NAV2: variants seen among roughly 807,000 people sequenced by gnomAD.
NAV2 encodes neuron navigator 2, also known as helicase, APC down-regulated 1.
In NAV2, 54 loss-of-function variants were observed where a neutral mutation model predicts 223.2. That is an observed-to-expected ratio of 0.24 (90% confidence interval 0.19 to 0.30). NAV2 has a LOEUF of 0.30. Among genes scored for constraint, NAV2 ranks in the 10% least tolerant of loss-of-function variants. The probability of loss-of-function intolerance (pLI) is 1.00; values close to 1 mark genes in which losing one functional copy is unlikely to be tolerated. For synonymous variants in NAV2, 1,279 were observed against 1,239.3 expected, an observed-to-expected ratio of 1.03 and a Z score of -0.67; for missense variants, 2,806 against 3,147.5, an observed-to-expected ratio of 0.89 and a Z score of 2.60.
chr11:19,668,179 T>C (rs1275859477), intron 1 of NAV2, among the ~76,000 whole-genome samples: 1 of 152,220 alleles, frequency 6.6e-6, no homozygotes, highest in Non-Finnish European at 1.5e-5. Context: ...AACATTTTTT[T>C]GGTCCCATGA....
In NAV2 at chr11:20,107,747, C is replaced by T; in HGVS notation, c.6925C>T (p.Pro2309Ser). 6.2e-7 allele frequency: 1 copy of T among 1,614,116 alleles called. No homozygotes were observed. Among genetic ancestry groups the T allele is most frequent in the Non-Finnish European group, 8.5e-7 (1 of 1,179,976 alleles). Residue 2309 changes from proline to serine, a missense_variant, in exon 36 of 38, where the codon CCC becomes TCC. By Grantham distance (74) the Pro-to-Ser change is moderately conservative. Transcript: ENST00000349880. Reference protein sequence around the residue: ...FTDLWNYSIIPYLLEAVREGL... With the variant: ...FTDLWNYSIISYLLEAVREGL... ...CGACTTGTGGAACTATTCCATTATC[C>T]CCTATCTCCTGGAAGCCGTCAGAGA...
intron 1 of NAV2, among the ~76,000 whole-genome samples, chr11:19,574,917 T>C (rs1282960770): frequency 6.6e-6 from 1 of 152,046 alleles, no homozygotes; most frequent in Admixed American, 6.6e-5. Flanking sequence ...CCAACCATAC[T>C]CAATTGGGCG....
At chr11:20,025,690 C>T (rs2153543148) in intron 11 of NAV2, among the ~76,000 whole-genome samples, 1 of 152,332 alleles carries the variant, frequency 6.6e-6, no homozygotes, top group Middle Eastern at 3.4e-3. Flanking sequence ...GCTGCTAAAT[C>T]CCCTTGGAGC....
Position 20,121,314 on chromosome 11 carries a change from T to G in NAV2, c.*3056T>G, listed in dbSNP as rs1283407132. 6.5e-6 allele frequency: 1 copy of G among 152,694 alleles called. No individual in the cohort carries two copies. Among genetic ancestry groups the G allele is most frequent in the Non-Finnish European group, 1.5e-5 (1 of 68,044 alleles). The allele number at this position is 152,694 out of a possible 1,614,324, so 9.5% of individuals were successfully genotyped here. ...TTTTTTCATTGTAACATAGAAATTG[T>G]AAATAATTGATTAAAGTGCTGCATT... On this transcript the variant is annotated 3_prime_UTR_variant, in exon 38 of 38. Coordinates refer to ENST00000349880, the MANE Select transcript of NAV2 (RefSeq NM_145117.5).
intron 1 of NAV2, among the ~76,000 whole-genome samples, chr11:19,641,329 A>G (rs2047657200): frequency 2.0e-5 from 3 of 152,140 alleles, no homozygotes; most frequent in Non-Finnish European, 4.4e-5. Flanking sequence ...TGCCTACGAA[A>G]TAAGTCTTCA....
At chr11:19,755,931 G>A (rs754288355) in intron 1 of NAV2, among the ~76,000 whole-genome samples, 31 of 152,210 alleles carry the variant, frequency 2.0e-4, no homozygotes, top group Non-Finnish European at 3.1e-4. Flanking sequence ...ATGGTCCAGC[G>A]GCAGCAGGCT....
chr11:19,704,205 C>A (rs1365299387), intron 1 of NAV2, among the ~76,000 whole-genome samples: 1 of 152,102 alleles, frequency 6.6e-6, no homozygotes, highest in Non-Finnish European at 1.5e-5. Flanking sequence ...TCTTTCCTTG[C>A]CTTATTATTA....
At chr11:19,640,318 C>T (rs1244126581) in intron 1 of NAV2, among the ~76,000 whole-genome samples, 1 of 152,052 alleles carries the variant, frequency 6.6e-6, no homozygotes, top group Non-Finnish European at 1.5e-5. Context: ...CTTCTCAGAG[C>T]CTGCTCATGT....
At chr11:20,077,244 T>G (rs2059816369) in intron 22 of NAV2, among the ~76,000 whole-genome samples, 1 of 152,044 alleles carries the variant, frequency 6.6e-6, no homozygotes, top group Admixed American at 6.6e-5. Flanking sequence ...AGCCGAGAGC[T>G]CTTTACACAG....
At chr11:19,367,015 A>G (rs1848307761) in intron 1 of NAV2, among the ~76,000 whole-genome samples, 1 of 152,204 alleles carries the variant, frequency 6.6e-6, no homozygotes, top group South Asian at 2.1e-4. Flanking sequence ...TGGGTCATTA[A>G]TCCAGAGTCA....
intron 1 of NAV2, among the ~76,000 whole-genome samples, chr11:19,559,096 C>T (rs955911705): frequency 6.6e-6 from 1 of 152,220 alleles, no homozygotes; most frequent in Non-Finnish European, 1.5e-5. Context: ...AGATGAGTGA[C>T]TTGCACATGC....
chr11:20,111,395 T>C (rs1266625980), intron 36 of NAV2, among the ~76,000 whole-genome samples: 2 of 152,240 alleles, frequency 1.3e-5, no homozygotes, highest in Non-Finnish European at 2.9e-5. Context: ...GCAGTGGAGC[T>C]GAGGAGCTTT....
At chr11:19,830,980 T>C (rs1240862109) in intron 1 of NAV2, among the ~76,000 whole-genome samples, 1 of 151,910 alleles carries the variant, frequency 6.6e-6, no homozygotes, top group African/African-American at 2.4e-5. Context: ...GGCTGTGTTG[T>C]GAAATAGAAG....
rs79157824 is a variant in NAV2, at chr11:19,450,222, G to A, written c.75+99195G>A. On this transcript the variant is annotated intron_variant, in intron 1 of 37. Transcript: ENST00000360655. The stretch of plus-strand genomic sequence containing the variant: ...CCCTCTTCTGAGCACCTGGGGAGTG[G>A]CTCAACACCTAATTTCCCTGCACAG... Among the ~76,000 whole-genome samples the A allele has an allele frequency of 3.9e-3, 587 of 152,246 alleles. 2 individuals carry two copies. Among genetic ancestry groups the A allele is most frequent in the African/African-American group, 0.013 (558 of 41,536 alleles).
intron 1 of NAV2, among the ~76,000 whole-genome samples, chr11:19,671,655 T>A (rs1018582616): frequency 6.6e-6 from 1 of 152,218 alleles, no homozygotes; most frequent in Non-Finnish European, 1.5e-5. Context: ...GCAAATTGTT[T>A]CCATAAAGGG....
intron 5 of NAV2, among the ~76,000 whole-genome samples, chr11:19,882,957 T>C (rs184258536): frequency 5.3e-5 from 8 of 152,312 alleles, no homozygotes; most frequent in Non-Finnish European, 1.0e-4. Context: ...TCTAGGGATA[T>C]GCTATCCCAT....
At chr11:19,469,984 C>T (rs1363094412) in intron 1 of NAV2, among the ~76,000 whole-genome samples, 3 of 152,250 alleles carry the variant, frequency 2.0e-5, no homozygotes, top group Admixed American at 2.0e-4. Flanking sequence ...GATAGCTTGA[C>T]TGTGGCCACA....
intron 14 of NAV2, among the ~76,000 whole-genome samples, chr11:20,047,859 C>T (rs2057604329): frequency 6.6e-6 from 1 of 152,186 alleles, no homozygotes; most frequent in Admixed American, 6.5e-5. Flanking sequence ...TTACTCAACA[C>T]AGGTTTCAGT....
chr11:19,912,190 G>C (rs1002689605), intron 6 of NAV2, among the ~76,000 whole-genome samples: 2 of 152,018 alleles, frequency 1.3e-5, no homozygotes, highest in African/African-American at 4.8e-5. Flanking sequence ...GATGAGCTAG[G>C]GCCAATGTTT....
Sources: gnomAD v4.1 joint callset for allele counts (sites outside exome capture counted in the v4.1 genomes callset) on GRCh38, gnomAD v4.1.1 for gene constraint, MANE v1.5 for transcripts, NCBI Gene and HGNC (gene_info 2026-07-23, HGNC 2026-07-21) for gene names.